The following CSMD1 variants were observed in gnomAD, a reference collection of about 807,000 sequenced individuals.
CSMD1 encodes the protein CUB and sushi domain-containing protein 1.
Under a neutral mutation model 417.5 loss-of-function variants are expected in CSMD1, and 213 were observed. The ratio of observed to expected loss-of-function variants is 0.51; its 90% CI spans 0.46 to 0.57. The LOEUF (loss-of-function observed/expected upper bound fraction) is 0.57. CSMD1 is among the 20% of genes least tolerant of loss of function. CSMD1 has a pLI of 0.00. For missense variants in CSMD1, 6,923 were observed against 4,529.7 expected (o/e 1.53, Z -15.17); for synonymous variants, 2,862 against 1,736.8 (o/e 1.65, Z -16.11).
intron 3 of CSMD1, among the ~76,000 whole-genome samples, chr8:4,168,390 T>C (rs1022125525): frequency 2.0e-5 from 3 of 151,868 alleles, no homozygotes; most frequent in African/African-American, 7.3e-5. Context: ...GTGAGACCCT[T>C]ACTCTCTCTC....
intron 5 of CSMD1, among the ~76,000 whole-genome samples, chr8:3,784,359 G>A (rs774410154): frequency 2.8e-4 from 43 of 152,168 alleles, no homozygotes; most frequent in Middle Eastern, 3.4e-3. Context: ...TGAAAAAATG[G>A]AGAAAACAAT....
chr8:4,204,310 G>A (rs900635132), intron 3 of CSMD1, among the ~76,000 whole-genome samples: 2 of 150,580 alleles, frequency 1.3e-5, no homozygotes, highest in Non-Finnish European at 2.9e-5. Flanking sequence ...TTCTTTCTCA[G>A]AATCAGAATA....
rs553909085 is a variant in CSMD1, at chr8:4,986,941, C to A, written c.85+7391G>T. Among the ~76,000 whole-genome samples the A allele has an allele frequency of 7.9e-5, 12 of 152,222 alleles. No individual in the cohort carries two copies. The East Asian group carries it at 2.1e-3, about 27-fold the overall frequency. On this transcript the variant is annotated intron_variant, in intron 1 of 69. Coordinates refer to ENST00000635120, the MANE Select transcript of CSMD1 (RefSeq NM_033225.6). Reference sequence around the variant, plus strand: ...GGTAGAGAGATGACAGATTGATAGACTCTACCTATCTATATTTAAAATATA... The same window carrying A: ...GGTAGAGAGATGACAGATTGATAGAATCTACCTATCTATATTTAAAATATA...
chr8:4,016,114 C>A (rs771389631), intron 4 of CSMD1, among the ~76,000 whole-genome samples: 2 of 152,044 alleles, frequency 1.3e-5, no homozygotes, highest in African/African-American at 4.8e-5. Context: ...GGGATGGGAT[C>A]ATATAAAAGT....
At chr8:4,645,695 A>AT (rs1405475922) in intron 1 of CSMD1, among the ~76,000 whole-genome samples, 1 of 152,144 alleles carries the variant, frequency 6.6e-6, no homozygotes, top group East Asian at 1.9e-4. Flanking sequence ...GATTATTGTC[A>AT]TTTTTACAAA....
chr8:4,853,399 C>G (rs1042664418), intron 1 of CSMD1, among the ~76,000 whole-genome samples: 4 of 152,198 alleles, frequency 2.6e-5, no homozygotes, highest in Non-Finnish European at 5.9e-5. Context: ...AGGTACAGCT[C>G]ATATTGCTGC....
chr8:4,315,827 C>T (rs906087065), intron 3 of CSMD1, among the ~76,000 whole-genome samples: 4 of 152,110 alleles, frequency 2.6e-5, no homozygotes, highest in Non-Finnish European at 4.4e-5. Flanking sequence ...TCTTCAGAAG[C>T]GTTTTCAAAA....
intron 5 of CSMD1, among the ~76,000 whole-genome samples, chr8:3,774,320 A>C (rs1185034405): frequency 6.6e-6 from 1 of 152,110 alleles, no homozygotes; most frequent in East Asian, 1.9e-4. Context: ...GTTTCAGTAG[A>C]GTACACAGTG....
intron 3 of CSMD1, among the ~76,000 whole-genome samples, chr8:4,364,487 G>A (rs916801085): frequency 7.2e-5 from 11 of 152,068 alleles, no homozygotes; most frequent in Admixed American, 4.6e-4. Flanking sequence ...TTCCTCTCTT[G>A]CTTTCTAGAA....
intron 3 of CSMD1, among the ~76,000 whole-genome samples, chr8:4,266,498 A>T (rs1804232900): frequency 9.5e-6 from 1 of 104,874 alleles, no homozygotes. Flanking sequence ...CTGTCAAAGT[A>T]TTCACTAAAT....
chr8:3,400,388 A>G (rs928109407), intron 15 of CSMD1, among the ~76,000 whole-genome samples: 9 of 152,130 alleles, frequency 5.9e-5, no homozygotes, highest in African/African-American at 2.2e-4. Flanking sequence ...TGGAAAAAAT[A>G]TTTATTTTAT....
At chr8:3,906,626 C>CTTT (rs200562415) in intron 5 of CSMD1, among the ~76,000 whole-genome samples, 6 of 139,908 alleles carry the variant, frequency 4.3e-5, no homozygotes, top group African/African-American at 1.6e-4. Flanking sequence ...CAAACCTAAG[C>CTTT]TTTTTTTTTT....
rs184656849 is a variant in CSMD1 at position 4,083,340 on chromosome 8, T to C, written c.416-51241A>G. On this transcript the variant is annotated intron_variant, in intron 3 of 69. Coordinates refer to ENST00000635120, the MANE Select transcript of CSMD1 (RefSeq NM_033225.6). ...TGTGAGATGGTATCTCATTGAGGTT[T>C]TGATTTGCATTTCTCTGATGGCCAG... Among the ~76,000 whole-genome samples the C allele has an allele frequency of 2.4e-3, 360 of 152,310 alleles. 1 individual carries two copies. The highest frequency in any genetic ancestry group is 8.0e-3 in the African/African-American group (331 of 41,588).
chr8:4,936,735 C>T (rs1038755176), intron 1 of CSMD1, among the ~76,000 whole-genome samples: 1 of 152,104 alleles, frequency 6.6e-6, no homozygotes, highest in African/African-American at 2.4e-5. Flanking sequence ...TAGGCAGGAC[C>T]TGATAAAACC....
intron 5 of CSMD1, among the ~76,000 whole-genome samples, chr8:3,888,753 C>G (rs1047862287): frequency 1.3e-5 from 2 of 152,086 alleles, no homozygotes; most frequent in Non-Finnish European, 2.9e-5. Context: ...GACAACAAAC[C>G]GACCTTCCAA....
intron 3 of CSMD1, among the ~76,000 whole-genome samples, chr8:4,130,706 G>A (rs573027210): frequency 7.1e-6 from 1 of 140,384 alleles, no homozygotes; most frequent in Non-Finnish European, 1.5e-5. Context: ...GAGGGGAGTA[G>A]ATAACACATG....
intron 3 of CSMD1, among the ~76,000 whole-genome samples, chr8:4,333,777 C>G (rs539215986): frequency 1.0e-3 from 158 of 152,258 alleles, no homozygotes; most frequent in African/African-American, 3.6e-3. Context: ...TAGCCTTGAC[C>G]TGGGTCTGCC....
intron 2 of CSMD1, among the ~76,000 whole-genome samples, chr8:4,597,338 G>A (rs904631942): frequency 2.6e-5 from 4 of 152,134 alleles, no homozygotes; most frequent in African/African-American, 9.7e-5. Context: ...ATAAGCAGGA[G>A]AGATGGCACT....
intron 3 of CSMD1, among the ~76,000 whole-genome samples, chr8:4,335,381 C>T (rs1585255828): frequency 6.6e-6 from 1 of 152,086 alleles, no homozygotes; most frequent in Non-Finnish European, 1.5e-5. Flanking sequence ...ATATACACAT[C>T]TTCTGAATAC....
Sources: gnomAD v4.1 joint callset for allele counts (sites outside exome capture counted in the v4.1 genomes callset) on GRCh38, gnomAD v4.1.1 for gene constraint, MANE v1.5 for transcripts, NCBI Gene and HGNC (gene_info 2026-07-23, HGNC 2026-07-21) for gene names.